Variants in PRDM2 observed in about 807,000 individuals in gnomAD.
PRDM2 encodes the protein PR/SET domain 2.
Under a neutral mutation model 130.0 loss-of-function variants are expected in PRDM2, and 30 were observed. That is an observed-to-expected ratio of 0.23 (90% CI 0.17 to 0.31). The LOEUF is 0.31. PRDM2 is among the 10% of genes least tolerant of loss of function. The pLI, the probability that PRDM2 is intolerant of heterozygous loss-of-function variation, is 1.00. For synonymous variants in PRDM2, 871 were observed against 782.4 expected (o/e 1.11, Z -1.89); for missense variants, 2,011 against 2,108.4 (o/e 0.95, Z 0.90).
At chr1:13,720,332 T>C (rs1642682849) in intron 2 of PRDM2, among the ~76,000 whole-genome samples, 1 of 152,186 alleles carries the variant, frequency 6.6e-6, no homozygotes, top group Non-Finnish European at 1.5e-5. Flanking sequence ...AGTCAATGTT[T>C]GTCTAAAGAG....
At chr1:13,735,987 C>T (rs1185087536) in intron 4 of PRDM2, among the ~76,000 whole-genome samples, 1 of 152,076 alleles carries the variant, frequency 6.6e-6, no homozygotes, top group Non-Finnish European at 1.5e-5. Context: ...CATTTACAAC[C>T]TATATGTAGA....
chr1:13,770,789 A>G (rs1644342736), intron 6 of PRDM2, among the ~76,000 whole-genome samples: 2 of 152,208 alleles, frequency 1.3e-5, no homozygotes, highest in South Asian at 4.1e-4. Context: ...GTTCAGAGAA[A>G]AAGTTTCTGA....
chr1:13,724,497 C>CTTTTTTTT (rs749027235), intron 2 of PRDM2, among the ~76,000 whole-genome samples: 1 of 129,772 alleles, frequency 7.7e-6, no homozygotes, highest in African/African-American at 2.8e-5. Flanking sequence ...CTTTTCATGG[C>CTTTTTTTT]TTTTTTTTTT....
chr1:13,780,017 C>T lies in PRDM2; in HGVS notation c.2222C>T (p.Pro741Leu), dbSNP rs1557649116. 1.2e-6 allele frequency: 2 copies of T among 1,614,070 alleles called. No homozygotes were observed. The highest frequency in any genetic ancestry group is 1.7e-6 in the Non-Finnish European group (2 of 1,180,046). The change falls in exon 8 of 10, where the codon CCC (proline) becomes CTC (leucine). Residue 741 changes from proline (P) to leucine (L), a missense_variant. Pro to Leu is a moderately conservative substitution (Grantham distance 98). This residue lies in a region of PRDM2 where 1,288 missense variants were observed against 1,237.7 expected (regional missense o/e 1.04). Coordinates refer to ENST00000311066, the MANE Select transcript of PRDM2 (RefSeq NM_001393986.1). ...SRFKRRTSSPPSSPQHSPALR... is the reference protein window; with the variant it reads ...SRFKRRTSSPLSSPQHSPALR... ...TTTAAGAGGCGGACCAGCTCTCCTC[C>T]CAGTTCTCCACAGCACAGTCCTGCC...
At chr1:13,809,153 G>T (rs369599581) in intron 8 of PRDM2, among the ~76,000 whole-genome samples, 3 of 152,222 alleles carry the variant, frequency 2.0e-5, no homozygotes, top group Non-Finnish European at 4.4e-5. Context: ...GGCAGTGCAG[G>T]CTGGACTTGA....
chr1:13,713,938 G>A (rs903577547), intron 1 of PRDM2, among the ~76,000 whole-genome samples: 2 of 151,832 alleles, frequency 1.3e-5, no homozygotes, highest in Admixed American at 6.6e-5. Flanking sequence ...GCACGATCTC[G>A]GCTCACTGCA....
At position 13,785,775 on chromosome 1, in the gene PRDM2, T is replaced by C. The variant is rs1461122878; in HGVS notation, c.5036+2944T>C. Among the ~76,000 whole-genome samples, 3 of 149,738 alleles carry C rather than the reference T, an allele frequency of 2.0e-5. No homozygotes were observed. In the Admixed American group the frequency reaches 2.0e-4, roughly 10 times the overall value. On this transcript the variant is annotated intron_variant, in intron 8 of 9. Coordinates refer to ENST00000311066, the MANE Select transcript of PRDM2 (RefSeq NM_001393986.1). ...GCAGAAAGGGAAGGAAAGAGGTGTA[T>C]TCTCTACTCACCTCCTACTCATCTT...
intron 1 of PRDM2, among the ~76,000 whole-genome samples, chr1:13,711,539 A>G (rs990862012): frequency 1.3e-5 from 2 of 152,230 alleles, no homozygotes; most frequent in Non-Finnish European, 2.9e-5. Flanking sequence ...CCATAAGGAA[A>G]GGGACAGTCT....
At chr1:13,705,637 G>A (rs1192226722) in intron 1 of PRDM2, 1 of 152,086 alleles carries the variant, frequency 6.6e-6, no homozygotes, top group East Asian at 1.9e-4. Flanking sequence ...TCTTCCACTT[G>A]AGACTGAGGT....
At chr1:13,711,385 G>GAATACAT (rs59155359) in intron 1 of PRDM2, among the ~76,000 whole-genome samples, 125,702 of 152,068 alleles carry the variant, frequency 0.83, 52,552 homozygotes, top group African/African-American at 0.96. Context: ...AGTTGCTTTA[G>GAATACAT]TATTCTATTG....
At position 13,781,549 on chromosome 1, in the gene PRDM2, C is replaced by G; in HGVS notation, c.3754C>G (p.Pro1252Ala). ...GCATATGCAGAGCTTGCCAGAAGAT[C>G]CTTTAGAAACTTCTAAAGAAGAAGA... ...VEHMQSLPEDPLETSKEEEEL... is the reference protein window; with the variant it reads ...VEHMQSLPEDALETSKEEEEL... Residue 1252 changes from proline (P) to alanine (A), a missense_variant, in exon 8 of 10, where the codon CCT (proline) becomes GCT (alanine). Transcript: ENST00000311066. The surrounding 1 kb of genome is among the most constrained non-coding windows in gnomAD (Gnocchi z 6.1). 1 of 1,612,208 alleles carries G rather than the reference C, an allele frequency of 6.2e-7. No individual in the cohort carries two copies.
intron 6 of PRDM2, among the ~76,000 whole-genome samples, chr1:13,750,167 C>T (rs1006344840): frequency 3.9e-5 from 6 of 152,006 alleles, no homozygotes; most frequent in African/African-American, 1.2e-4. Context: ...AAAGTGTAGT[C>T]ACACTTAAAA....
chr1:13,710,978 G>A (rs1343044021), intron 1 of PRDM2, among the ~76,000 whole-genome samples: 3 of 151,920 alleles, frequency 2.0e-5, no homozygotes, highest in Admixed American at 1.3e-4. Flanking sequence ...CCAGCTACTC[G>A]GGAGGCTGAG....
intron 6 of PRDM2, among the ~76,000 whole-genome samples, chr1:13,765,603 TTACAGGCGCGGTGG>T (rs1258801565): frequency 6.6e-6 from 1 of 152,082 alleles, no homozygotes; most frequent in Non-Finnish European, 1.5e-5. Flanking sequence ...GTAGCTGGAA[TTACAGGCGCGGTGG>T]TACCGCGCCT....
rs536228761 is a variant in PRDM2 at position 13,782,998 on chromosome 1, G to T, written c.5036+167G>T. 25 of 1,435,806 alleles carry T rather than the reference G, an allele frequency of 1.7e-5. No homozygotes were observed. The East Asian group carries it at 4.4e-4, about 25-fold the overall frequency. The allele number at this position is 1,435,806 out of a possible 1,614,324, so 88.9% of individuals were successfully genotyped here. ...AGGGTCATTGCTTTGGCTGCTTTTA[G>T]AGATGAATAAATAGTTCTAATTTCA... On this transcript the variant is annotated intron_variant, in intron 8 of 9. Transcript: ENST00000311066.
At chr1:13,701,087 G>A (rs1642060584) in intron 1 of PRDM2, among the ~76,000 whole-genome samples, 1 of 152,128 alleles carries the variant, frequency 6.6e-6, no homozygotes, top group Non-Finnish European at 1.5e-5. Context: ...TGTGAGCTGC[G>A]GCAAAGACCC....
intron 8 of PRDM2, among the ~76,000 whole-genome samples, chr1:13,786,109 A>G (rs1475883934): frequency 6.6e-6 from 1 of 151,932 alleles, no homozygotes; most frequent in Non-Finnish European, 1.5e-5. Flanking sequence ...CAGTGCTGGG[A>G]TTACAGGTGT....
At chr1:13,795,921 T>C (rs1644916079) in intron 8 of PRDM2, among the ~76,000 whole-genome samples, 1 of 152,170 alleles carries the variant, frequency 6.6e-6, no homozygotes, top group Non-Finnish European at 1.5e-5. Context: ...GGGTGCTGCA[T>C]AGAACTGGAT....
intron 8 of PRDM2, chr1:13,787,106 A>C (rs571634968): frequency 2.0e-6 from 2 of 985,238 alleles, no homozygotes; most frequent in African/African-American, 3.5e-5. Context: ...AGCGTAATGG[A>C]GAGGAAACCA....
Sources: allele counts gnomAD v4.1 joint callset (sites outside exome capture counted in the v4.1 genomes callset), GRCh38; gene constraint gnomAD v4.1.1; regional missense constraint gnomAD v4.1.1; non-coding constraint Gnocchi (gnomAD v3.1); transcripts MANE v1.5; gene names NCBI Gene and HGNC (gene_info 2026-07-23, HGNC 2026-07-21).